The following MTOR variants were observed in gnomAD, a reference collection of about 807,000 sequenced individuals.
MTOR encodes serine/threonine-protein kinase mTOR.
A neutral mutation model predicts 319.8 loss-of-function variants in MTOR; 70 were observed. That is an observed-to-expected ratio of 0.22 (90% CI 0.18 to 0.27). The LOEUF (loss-of-function observed/expected upper bound fraction) is 0.27. MTOR is among the 10% of genes least tolerant of loss of function. The pLI, the probability that MTOR is intolerant of heterozygous loss-of-function variation, is 1.00. For synonymous variants in MTOR, 1,183 were observed against 1,211.4 expected (o/e 0.98, Z 0.49); for missense variants, 1,890 against 3,274.4 (o/e 0.58, Z 10.32).
chr1:11,160,733 T>C (rs1304309674), intron 29 of MTOR, among the ~76,000 whole-genome samples: 1 of 152,250 alleles, frequency 6.6e-6, no homozygotes, highest in Admixed American at 6.5e-5. Flanking sequence ...TGCTAAGAGT[T>C]TGATAAAATC....
At chr1:11,254,302 G>C (rs895029184) in intron 5 of MTOR, among the ~76,000 whole-genome samples, 1 of 152,034 alleles carries the variant, frequency 6.6e-6, no homozygotes, top group Non-Finnish European at 1.5e-5. Flanking sequence ...ACCACGCCTG[G>C]CTAATTTTTG....
At chr1:11,203,244 C>A (rs577049889) in intron 26 of MTOR, among the ~76,000 whole-genome samples, 13 of 151,104 alleles carry the variant, frequency 8.6e-5, no homozygotes, top group African/African-American at 2.4e-4. Flanking sequence ...AACAAAAAAA[C>A]CAACCAAACA....
chr1:11,140,037 C>T (rs1643617344), intron 34 of MTOR, among the ~76,000 whole-genome samples: 1 of 152,074 alleles, frequency 6.6e-6, no homozygotes, highest in East Asian at 1.9e-4. Flanking sequence ...GATGGCAAGG[C>T]TGCTCTCGAA....
At chr1:11,145,379 CTT>C in intron 32 of MTOR, 8 of 264,726 alleles carry the variant, frequency 3.0e-5, no homozygotes, top group Non-Finnish European at 5.1e-5. Flanking sequence ...GGGGATCTAC[CTT>C]TTTTTTTTCT....
chr1:11,126,107 C>G (rs985146547), intron 46 of MTOR, among the ~76,000 whole-genome samples: 1 of 149,762 alleles, frequency 6.7e-6, no homozygotes, highest in Non-Finnish European at 1.5e-5. Context: ...TCAGGCCTCA[C>G]TAAAACATCC....
At position 11,197,204 on chromosome 1, in the gene MTOR, G is replaced by A. The variant is rs960344288; in HGVS notation, c.4253+2054C>T. On this transcript the variant is annotated intron_variant, in intron 28 of 57. Coordinates refer to ENST00000361445, the MANE Select transcript of MTOR (RefSeq NM_004958.4). ...GGCCAGATCCAAGTAGTGGCTCAGG[G>A]ACATAAAACCAACAGTGGGAAAAGA... 3.9e-5 allele frequency among the ~76,000 whole-genome samples: 6 copies of A among 152,238 alleles called. No individual in the cohort carries two copies. The South Asian group carries it at 1.0e-3, about 26-fold the overall frequency.
At chr1:11,259,487 C>T in intron 1 of MTOR, 64 bp from the exon 2 acceptor site, 3 of 1,483,360 alleles carry the variant, frequency 2.0e-6, no homozygotes, top group Non-Finnish European at 1.8e-6. Context: ...TTACTTATGG[C>T]CCTGGTCACC....
chr1:11,167,414 G>A lies in MTOR; in HGVS notation c.4329+28C>T, dbSNP rs1193358274. On this transcript the variant is annotated intron_variant, in intron 29 of 57. Transcript: ENST00000361445. ...CTCCCTAGCCAAGTCTCTACCTCCT[G>A]CTTTTCCAAAAAGAATGAGGTGCTT... 9.4e-6 allele frequency: 15 copies of A among 1,594,176 alleles called. No individual in the cohort carries two copies. The Admixed American group carries it at 2.5e-4, about 27-fold the overall frequency.
chr1:11,181,213 G>A (rs538538427), intron 28 of MTOR, among the ~76,000 whole-genome samples: 1 of 152,200 alleles, frequency 6.6e-6, no homozygotes, highest in Non-Finnish European at 1.5e-5. Flanking sequence ...AAACAGGAGA[G>A]GGAGAAAACC....
intron 36 of MTOR, among the ~76,000 whole-genome samples, chr1:11,137,773 G>A (rs940305410): frequency 3.3e-5 from 5 of 152,164 alleles, no homozygotes; most frequent in African/African-American, 1.2e-4. Flanking sequence ...AGGAAAACAT[G>A]ATACATATAC....
chr1:11,171,388 C>T (rs1644809392), intron 28 of MTOR, among the ~76,000 whole-genome samples: 1 of 151,880 alleles, frequency 6.6e-6, no homozygotes, highest in African/African-American at 2.4e-5. Flanking sequence ...CTCAAGCAAT[C>T]CTCTGGCCTC....
chr1:11,191,791 G>A (rs1645542635), intron 28 of MTOR, among the ~76,000 whole-genome samples: 1 of 152,136 alleles, frequency 6.6e-6, no homozygotes, highest in African/African-American at 2.4e-5. Context: ...ATGGTCTCAG[G>A]TGGCAGTAGC....
intron 26 of MTOR, among the ~76,000 whole-genome samples, chr1:11,201,506 A>G (rs1307269156): frequency 2.0e-5 from 3 of 152,240 alleles, no homozygotes; most frequent in African/African-American, 4.8e-5. Flanking sequence ...GCTGCTGACA[A>G]AAATGAAGTG....
intron 13 of MTOR, among the ~76,000 whole-genome samples, chr1:11,235,060 G>T (rs925232130): frequency 6.6e-6 from 1 of 152,260 alleles, no homozygotes. Flanking sequence ...TTAATAACCC[G>T]ATTTTTCTGG....
chr1:11,124,379 T>C, intron 47 of MTOR, 119 bp downstream of exon 47: 1 of 1,339,172 alleles, frequency 7.5e-7, no homozygotes, highest in East Asian at 2.4e-5. Flanking sequence ...TGAGTTACCA[T>C]GCCTGGCTCC....
intron 28 of MTOR, chr1:11,193,864 C>A (rs1354047573): frequency 2.1e-5 from 27 of 1,265,478 alleles, no homozygotes. Context: ...TATTCTGATT[C>A]AAGACAAATC....
At chr1:11,152,936 C>T (rs972410000) in intron 30 of MTOR, among the ~76,000 whole-genome samples, 4 of 152,208 alleles carry the variant, frequency 2.6e-5, no homozygotes, top group African/African-American at 7.2e-5. Flanking sequence ...TAGCCACTTA[C>T]GCTTTATGGG....
At chr1:11,204,185 A>G (rs1051123900) in intron 26 of MTOR, among the ~76,000 whole-genome samples, 1 of 152,282 alleles carries the variant, frequency 6.6e-6, no homozygotes, top group Non-Finnish European at 1.5e-5. Flanking sequence ...ATTCAGGAGT[A>G]AAATAAATAA....
At chr1:11,178,267 C>T (rs1462042470) in intron 28 of MTOR, among the ~76,000 whole-genome samples, 1 of 152,226 alleles carries the variant, frequency 6.6e-6, no homozygotes, top group Non-Finnish European at 1.5e-5. Flanking sequence ...CCATTTGACT[C>T]ACCGTCTCCA....
Sources: gnomAD v4.1 joint callset for allele counts (sites outside exome capture counted in the v4.1 genomes callset) on GRCh38, gnomAD v4.1.1 for gene constraint, MANE v1.5 for transcripts, NCBI Gene and HGNC (gene_info 2026-07-23, HGNC 2026-07-21) for gene names.